Variants in ATP2C2 observed in about 807,000 individuals in gnomAD.
ATP2C2 encodes the protein calcium-transporting ATPase type 2C member 2.
ATP2C2 carries 171 observed loss-of-function variants against 110.8 expected under a neutral mutation model. The ratio of observed to expected loss-of-function variants is 1.54; its 90% CI spans 1.36 to 1.75. The LOEUF is 1.75. Among genes scored for constraint, ATP2C2 ranks in the 40% most tolerant of loss-of-function variants. ATP2C2 has a pLI of 0.00. For missense variants in ATP2C2, 1,963 were observed against 1,235.0 expected, an observed-to-expected ratio of 1.59 and a Z score of -8.84; for synonymous variants, 804 against 508.4, an observed-to-expected ratio of 1.58 and a Z score of -7.82.
intron 24 of ATP2C2, chr16:84,461,110 A>G: frequency 2.7e-6 from 1 of 369,580 alleles, no homozygotes; most frequent in Non-Finnish European, 4.9e-6. Context: ...GTCACCAGGA[A>G]ACAATTTGAA....
chr16:84,462,418 G>T (rs1037377445), intron 26 of ATP2C2: 2 of 332,018 alleles, frequency 6.0e-6, no homozygotes, highest in South Asian at 6.0e-5. Context: ...CTCAGAGCAC[G>T]TGCAGGGAGG....
intron 16 of ATP2C2, among the ~76,000 whole-genome samples, chr16:84,447,440 C>T (rs1415082885): frequency 6.6e-6 from 1 of 151,980 alleles, no homozygotes; most frequent in African/African-American, 2.4e-5. Context: ...TCCCCACCAC[C>T]CACCCAGAGG....
intron 16 of ATP2C2, among the ~76,000 whole-genome samples, 170 bp downstream of exon 16, chr16:84,446,600 T>C (rs1169011196): frequency 6.6e-6 from 1 of 152,236 alleles, no homozygotes; most frequent in African/African-American, 2.4e-5. Flanking sequence ...CTCTTGGGTC[T>C]GCTTCTGGCT....
chr16:84,392,197 C>G (rs1000369009), intron 1 of ATP2C2, among the ~76,000 whole-genome samples: 1 of 152,136 alleles, frequency 6.6e-6, no homozygotes, highest in African/African-American at 2.4e-5. Flanking sequence ...TGTTTTGACA[C>G]AAATCTCAGG....
intron 15 of ATP2C2, among the ~76,000 whole-genome samples, chr16:84,443,234 G>A (rs758945654): frequency 4.6e-5 from 7 of 152,240 alleles, no homozygotes; most frequent in South Asian, 4.1e-4. Flanking sequence ...AGGAGGGGCC[G>A]GCAGAGGTTA....
chr16:84,454,129 C>T (rs1433398107), intron 20 of ATP2C2, among the ~76,000 whole-genome samples: 1 of 151,858 alleles, frequency 6.6e-6, no homozygotes, highest in Non-Finnish European at 1.5e-5. Flanking sequence ...TGGCTTTATT[C>T]CTTTTACTCA....
rs756084060 is a variant in ATP2C2 at position 84,442,563 on chromosome 16, G to C, written c.1365G>C (p.Gln455His). 4 of 1,614,116 alleles carry C rather than the reference G, an allele frequency of 2.5e-6. No homozygotes were observed. The highest frequency in any genetic ancestry group is 2.2e-5 in the East Asian group (1 of 44,874). Residue 455 changes from glutamine to histidine, a missense_variant, in exon 15 of 27, where the codon CAG (glutamine) becomes CAC (histidine). Transcript: ENST00000262429. ...TCAGAAAGAACGCCGTGATGGGGCA[G>C]CCCACCGAGGGTGCATTGATGGCCC... ...AVIRKNAVMG[Q>H]PTEGALMALA...
intron 4 of ATP2C2, 143 bp downstream of exon 4, chr16:84,408,637 C>A: frequency 1.5e-6 from 1 of 657,818 alleles, no homozygotes; most frequent in South Asian, 1.9e-5. Context: ...GAAAGCAAAT[C>A]CACATCCTTC....
intron 17 of ATP2C2, among the ~76,000 whole-genome samples, chr16:84,451,704 G>A (rs766782920): frequency 6.6e-6 from 1 of 152,294 alleles, no homozygotes; most frequent in South Asian, 2.1e-4. Context: ...TGGGCCTGGA[G>A]GCGCATGCCC....
chr16:84,454,319 A>G (rs1241060134), intron 20 of ATP2C2, among the ~76,000 whole-genome samples: 6 of 152,178 alleles, frequency 3.9e-5, no homozygotes, highest in Non-Finnish European at 5.9e-5. Flanking sequence ...AAGGTAGAAA[A>G]TGTGCTTGGT....
At chr16:84,439,101 C>G (rs1017586814) in intron 11 of ATP2C2, 65 bp from the exon 12 acceptor site, 1 of 1,592,448 alleles carries the variant, frequency 6.3e-7, no homozygotes, top group African/African-American at 1.3e-5. Flanking sequence ...GCATTGCCAG[C>G]CCCAGCTGAG....
chr16:84,433,421 A>G (rs1908456857), intron 11 of ATP2C2, among the ~76,000 whole-genome samples: 2 of 148,636 alleles, frequency 1.3e-5, no homozygotes, highest in Non-Finnish European at 3.0e-5. Context: ...AACCAAAAAA[A>G]TCTCCTGCAG....
Position 84,368,614 on chromosome 16 carries a change from C to G in ATP2C2, c.-2C>G, listed in dbSNP as rs1343750532. 3 of 1,555,290 alleles carry G rather than the reference C, an allele frequency of 1.9e-6. No homozygotes were observed. The highest frequency in any genetic ancestry group is 2.6e-6 in the Non-Finnish European group (3 of 1,150,662). Reference sequence around the variant, plus strand: ...CGCAGGCAACGCCTGCGCCCGCTCACCATGGTCGAGGGACGCGTCTCCGAG... The same window carrying G: ...CGCAGGCAACGCCTGCGCCCGCTCAGCATGGTCGAGGGACGCGTCTCCGAG... On this transcript the variant is annotated 5_prime_UTR_variant, in exon 1 of 27. Coordinates refer to ENST00000262429, the MANE Select transcript of ATP2C2 (RefSeq NM_014861.4).
chr16:84,451,932 G>T lies in ATP2C2; in HGVS notation c.1672G>T (p.Ala558Ser). 6.2e-7 allele frequency: 1 copy of T among 1,613,998 alleles called. No individual in the cohort carries two copies. Among genetic ancestry groups the T allele is most frequent in the African/African-American group, 1.3e-5 (1 of 75,032 alleles). ...GSLGLRVLALASGPELGRLTF... is the reference protein window; with the variant it reads ...GSLGLRVLALSSGPELGRLTF... ...CCCTCTCTCCTCAGTGCTGGCCCTGGCTTCTGGGCCCGAGCTGGGGCGGCT... is the reference window on the plus strand; with the variant it reads ...CCCTCTCTCCTCAGTGCTGGCCCTGTCTTCTGGGCCCGAGCTGGGGCGGCT... The change falls in exon 18 of 27, where the codon GCT (alanine) becomes TCT (serine). Residue 558 changes from alanine to serine, a missense_variant. Ala to Ser is a moderately conservative substitution (Grantham distance 99). Transcript: ENST00000262429.
intron 16 of ATP2C2, among the ~76,000 whole-genome samples, chr16:84,447,228 G>T (rs1334132210): frequency 3.3e-5 from 5 of 152,156 alleles, no homozygotes; most frequent in Admixed American, 6.5e-5. Context: ...GGGCAGCTCA[G>T]CCAGCTCATG....
intron 7 of ATP2C2, among the ~76,000 whole-genome samples, chr16:84,419,605 C>A (rs1028654109): frequency 2.0e-5 from 3 of 150,516 alleles, no homozygotes; most frequent in Non-Finnish European, 4.4e-5. Context: ...ACTCAGCAGG[C>A]CACACTGCAG....
intron 15 of ATP2C2, among the ~76,000 whole-genome samples, chr16:84,446,061 G>A (rs1909719739): frequency 1.3e-5 from 2 of 152,198 alleles, no homozygotes; most frequent in Admixed American, 6.5e-5. Context: ...CCTCCCGGCA[G>A]AAACACTGCA....
At chr16:84,454,521 T>A (rs1910606878) in intron 20 of ATP2C2, among the ~76,000 whole-genome samples, 1 of 152,140 alleles carries the variant, frequency 6.6e-6, no homozygotes, top group Non-Finnish European at 1.5e-5. Context: ...TGGGACTGGA[T>A]AACCTTTATG....
chr16:84,447,807 A>C (rs1156639645), intron 16 of ATP2C2, among the ~76,000 whole-genome samples: 1 of 144,078 alleles, frequency 6.9e-6, no homozygotes, highest in Non-Finnish European at 1.5e-5. Flanking sequence ...TATACAATAC[A>C]TATGTACTAT....
Sources: gnomAD v4.1 joint callset for allele counts (sites outside exome capture counted in the v4.1 genomes callset) on GRCh38, gnomAD v4.1.1 for gene constraint, MANE v1.5 for transcripts, NCBI Gene and HGNC (gene_info 2026-07-23, HGNC 2026-07-21) for gene names.